Variants in PALM2AKAP2 observed in about 807,000 individuals in gnomAD.
PALM2AKAP2 encodes PALM2-AKAP2 fusion protein.
In PALM2AKAP2, 37 loss-of-function variants were observed where a neutral mutation model predicts 71.5. The observed-to-expected ratio is 0.52, with a 90% CI of 0.40 to 0.68. The LOEUF (loss-of-function observed/expected upper bound fraction) is 0.68, where lower values mean the gene tolerates loss of function less well. PALM2AKAP2 is among the 30% of genes least tolerant of loss of function. The probability of loss-of-function intolerance (pLI) is 0.00; values close to 1 mark genes in which losing one functional copy is unlikely to be tolerated. For missense variants in PALM2AKAP2, 1,224 were observed against 1,191.8 expected (o/e 1.03, Z -0.40); for synonymous variants, 468 against 478.8 (o/e 0.98, Z 0.29).
At chr9:109,657,334 T>C (rs1429944002) in intron 1 of PALM2AKAP2, among the ~76,000 whole-genome samples, 3 of 152,244 alleles carry the variant, frequency 2.0e-5, no homozygotes, top group Non-Finnish European at 4.4e-5. Context: ...AGGGAGAATG[T>C]TCACACTTTT....
chr9:109,696,180 CTG>C (rs1350062817), intron 1 of PALM2AKAP2, among the ~76,000 whole-genome samples: 3 of 151,922 alleles, frequency 2.0e-5, no homozygotes, highest in Non-Finnish European at 2.9e-5. Context: ...TTGAAAAAAA[CTG>C]TGAATATTTT....
At chr9:109,891,547 G>A (rs1830090534) in intron 3 of PALM2AKAP2, among the ~76,000 whole-genome samples, 1 of 152,040 alleles carries the variant, frequency 6.6e-6, no homozygotes, top group Non-Finnish European at 1.5e-5. Context: ...GAGTGCATTG[G>A]CAGAATCTCA....
At chr9:109,717,687 C>G (rs918785569) in intron 1 of PALM2AKAP2, among the ~76,000 whole-genome samples, 3 of 152,242 alleles carry the variant, frequency 2.0e-5, no homozygotes, top group Admixed American at 2.0e-4. Flanking sequence ...GCTAGGCTCA[C>G]AAGCCCAGCA....
intron 1 of PALM2AKAP2, among the ~76,000 whole-genome samples, chr9:109,738,546 T>G (rs914368488): frequency 6.6e-6 from 1 of 152,214 alleles, no homozygotes; most frequent in Non-Finnish European, 1.5e-5. Flanking sequence ...AATGGATGAT[T>G]GAAAAATGAC....
Position 110,136,987 on chromosome 9 carries a change from C to T in PALM2AKAP2, c.1017C>T (p.Ile339=), listed in dbSNP as rs373316083. 9.5e-5 allele frequency: 154 copies of T among 1,614,114 alleles called. 1 individual carries two copies. The highest frequency in any genetic ancestry group is 9.1e-4 in the East Asian group (41 of 44,866). ...GGAATCCCCCGCAGGAAAAAACCATCGAGGAGCAGCTGGACGAGGAACATC... is the reference window on the plus strand; with the variant it reads ...GGAATCCCCCGCAGGAAAAAACCATTGAGGAGCAGCTGGACGAGGAACATC... Residue 339 remains isoleucine, a synonymous_variant, in exon 2 of 4, where the codon ATC becomes ATT. Transcript: ENST00000374525.
At chr9:110,004,173 T>G (rs1361232994) in intron 6 of PALM2AKAP2, among the ~76,000 whole-genome samples, 4 of 152,152 alleles carry the variant, frequency 2.6e-5, no homozygotes, top group African/African-American at 4.8e-5. Context: ...GGTACCAGTT[T>G]TTCCTTTCCA....
intron 3 of PALM2AKAP2, among the ~76,000 whole-genome samples, chr9:109,907,508 C>G (rs913958997): frequency 3.3e-5 from 5 of 152,154 alleles, no homozygotes; most frequent in African/African-American, 7.2e-5. Flanking sequence ...ATCTCTGAGC[C>G]GAGTATACCT....
intron 6 of PALM2AKAP2, among the ~76,000 whole-genome samples, chr9:110,011,006 A>ATAT (rs1454209302): frequency 8.5e-5 from 8 of 94,202 alleles, no homozygotes; most frequent in African/African-American, 5.1e-4. Context: ...CAAAAAAAAA[A>ATAT]AAAAAAAAAT....
At chr9:109,802,628 T>G (rs1827464309) in intron 1 of PALM2AKAP2, among the ~76,000 whole-genome samples, 1 of 152,148 alleles carries the variant, frequency 6.6e-6, no homozygotes, top group Non-Finnish European at 1.5e-5. Flanking sequence ...ATCCTTTGCC[T>G]CCAGCCTGTC....
intron 1 of PALM2AKAP2, among the ~76,000 whole-genome samples, chr9:109,850,146 G>T (rs1587958405): frequency 6.6e-6 from 1 of 152,162 alleles, no homozygotes; most frequent in East Asian, 1.9e-4. Context: ...CTTTGGAGAT[G>T]GATGCAGGAT....
chr9:110,123,303 A>C (rs1835530301), intron 1 of PALM2AKAP2, among the ~76,000 whole-genome samples: 1 of 152,142 alleles, frequency 6.6e-6, no homozygotes, highest in Non-Finnish European at 1.5e-5. Flanking sequence ...TCCTCAGCAG[A>C]GTTGGTTCCT....
intron 2 of PALM2AKAP2, among the ~76,000 whole-genome samples, chr9:109,869,271 T>C (rs1178743153): frequency 6.6e-6 from 1 of 152,208 alleles, no homozygotes; most frequent in Non-Finnish European, 1.5e-5. Flanking sequence ...GGCTCATTTA[T>C]TGCTGATGTC....
In PALM2AKAP2 at chr9:109,668,897, G is replaced by A. The variant is rs189737610; in HGVS notation, c.5+28031G>A. Among the ~76,000 whole-genome samples the A allele has an allele frequency of 1.4e-4, 21 of 152,352 alleles. No individual in the cohort carries two copies. The East Asian group carries it at 3.9e-3, about 28-fold the overall frequency. The stretch of plus-strand genomic sequence containing the variant: ...ACTTTCCAGGTAGCACTAAGGTGCA[G>A]ATTCCATGTGATCATCAACAGCTGG... On this transcript the variant is annotated intron_variant, in intron 1 of 6. Transcript: ENST00000374531.
intron 1 of PALM2AKAP2, among the ~76,000 whole-genome samples, chr9:109,832,919 A>G (rs555455519): frequency 4.5e-4 from 69 of 152,320 alleles, no homozygotes; most frequent in Non-Finnish European, 6.5e-4. Context: ...GCACTTGGAC[A>G]TATACTACTC....
chr9:110,030,207 G>A (rs1391267593), intron 7 of PALM2AKAP2, among the ~76,000 whole-genome samples: 3 of 152,156 alleles, frequency 2.0e-5, no homozygotes, highest in Admixed American at 1.3e-4. Context: ...ATAGGAAGTG[G>A]GGGGAAGGGC....
At chr9:110,100,462 C>T (rs1470252942) in intron 1 of PALM2AKAP2, among the ~76,000 whole-genome samples, 1 of 152,048 alleles carries the variant, frequency 6.6e-6, no homozygotes, top group African/African-American at 2.4e-5. Context: ...GTTTTGGTTC[C>T]TATAAGATGG....
chr9:109,869,933 T>C (rs186623968), intron 2 of PALM2AKAP2, among the ~76,000 whole-genome samples: 6 of 152,076 alleles, frequency 3.9e-5, no homozygotes, highest in Admixed American at 2.6e-4. Flanking sequence ...GGTGAGTGCA[T>C]TGTATGTCTC....
In PALM2AKAP2 at chr9:109,720,379, T is replaced by C. The variant is rs73529178; in HGVS notation, c.6-60109T>C. ...TGAAGGGGGTGGATAGTAAATACAG[T>C]TGGTGACACACTGATTCTGAGATAC... On this transcript the variant is annotated intron_variant, in intron 1 of 6. Transcript: ENST00000374531. Among the ~76,000 whole-genome samples, 324 of 152,316 alleles carry C rather than the reference T, an allele frequency of 2.1e-3. 1 individual carries two copies. The highest frequency in any genetic ancestry group is 7.6e-3 in the African/African-American group (317 of 41,572).
At chr9:109,944,309 TC>T (rs1831450792) in intron 6 of PALM2AKAP2, 1 of 152,204 alleles carries the variant, frequency 6.6e-6, no homozygotes, top group Admixed American at 6.5e-5. Flanking sequence ...TATTTTCTGG[TC>T]ATGTTAATCT....
Sources: allele counts gnomAD v4.1 joint callset (sites outside exome capture counted in the v4.1 genomes callset), GRCh38; gene constraint gnomAD v4.1.1; transcripts MANE v1.5; gene names NCBI Gene and HGNC (gene_info 2026-07-23, HGNC 2026-07-21).